STRIP1: variants seen among roughly 807,000 people sequenced by gnomAD.
STRIP1 encodes the protein striatin interacting protein 1.
In STRIP1, 63 loss-of-function variants were observed where a neutral mutation model predicts 106.2. The observed-to-expected ratio is 0.59, with a 90% CI of 0.48 to 0.73. The LOEUF is 0.73. STRIP1 is among the 30% of genes least tolerant of loss of function. The pLI is 0.00. For missense variants in STRIP1, 857 were observed against 1,074.8 expected, an observed-to-expected ratio of 0.80 and a Z score of 2.83; for synonymous variants, 390 against 413.0, an observed-to-expected ratio of 0.94 and a Z score of 0.67.
chr1:110,050,913 A>G (rs1379483676), intron 18 of STRIP1, 43 bp from the exon 19 acceptor site: 2 of 1,136,208 alleles, frequency 1.8e-6, no homozygotes, highest in Non-Finnish European at 2.7e-6. Context: ...TGCTGCACAC[A>G]CTGCAGCCAT....
Position 110,041,872 on chromosome 1 carries a change from C to A in STRIP1, c.885+11C>A, listed in dbSNP as rs1431592649. The A allele has an allele frequency of 1.9e-6, 3 of 1,613,700 alleles. No individual in the cohort carries two copies. The South Asian group carries it at 3.3e-5, about 18-fold the overall frequency. On this transcript the variant is annotated intron_variant, in intron 8 of 20. Transcript: ENST00000369795. ...TGGAAGACAGTATTGGTGAGCACCT[C>A]CTTGGAGGAGGAGAACGGTGCTATG...
intron 20 of STRIP1, among the ~76,000 whole-genome samples, chr1:110,053,201 T>C (rs1254676509): frequency 6.6e-6 from 1 of 152,230 alleles, no homozygotes; most frequent in East Asian, 1.9e-4. Context: ...CTGCTCTGTG[T>C]GTGCGTGTTG....
chr1:110,038,566 C>T, intron 2 of STRIP1, 117 bp from the exon 3 acceptor site: 2 of 744,082 alleles, frequency 2.7e-6, no homozygotes, highest in Non-Finnish European at 4.6e-6. Context: ...CCAGGAGTCA[C>T]TATGACTCAG....
At chr1:110,051,928 C>T (rs765981746) in intron 20 of STRIP1, 41 bp downstream of exon 20, 16 of 1,598,740 alleles carry the variant, frequency 1.0e-5, no homozygotes, top group East Asian at 2.2e-5. Flanking sequence ...GGGAGTGTGT[C>T]GGGAAAAGTG....
chr1:110,049,613 C>G (rs1401833964), intron 17 of STRIP1, 53 bp downstream of exon 17: 1 of 1,303,242 alleles, frequency 7.7e-7, no homozygotes, highest in East Asian at 2.3e-5. Context: ...CGGCAGAGTT[C>G]CCAGCTGGTA....
chr1:110,035,725 C>T (rs1213150489), intron 1 of STRIP1, among the ~76,000 whole-genome samples: 2 of 152,102 alleles, frequency 1.3e-5, no homozygotes, highest in Non-Finnish European at 2.9e-5. Flanking sequence ...ACTGATCAGC[C>T]AAGTTAATGA....
At position 110,053,972 on chromosome 1, in the gene STRIP1, T is replaced by C. The variant is rs1653422013; in HGVS notation, c.*60T>C. 1 of 1,593,498 alleles carries C rather than the reference T, an allele frequency of 6.3e-7. No individual in the cohort carries two copies. Among genetic ancestry groups the C allele is most frequent in the Non-Finnish European group, 8.6e-7 (1 of 1,169,042 alleles). ...GATGATCTGAAGGTACCTGTGGGACTGTCCTAGTTCATTGCTGCAGTGCTC... is the reference window on the plus strand; with the variant it reads ...GATGATCTGAAGGTACCTGTGGGACCGTCCTAGTTCATTGCTGCAGTGCTC... On this transcript the variant is annotated 3_prime_UTR_variant, in exon 21 of 21. Transcript: ENST00000369795.
Position 110,034,756 on chromosome 1 carries a change from C to T in STRIP1, c.119C>T (p.Ala40Val), listed in dbSNP as rs1652354711. ...QPPPGAPRAAAGLLPGGKARE... is the reference protein window; with the variant it reads ...QPPPGAPRAAVGLLPGGKARE... The stretch of plus-strand genomic sequence containing the variant: ...CCACCCGGGGCACCGCGGGCCGCCG[C>T]GGGCCTCCTGCCTGGGGGCAAAGCC... The change falls in exon 1 of 21, where the codon GCG becomes GTG. Residue 40 changes from alanine (A) to valine (V), a missense_variant. Physicochemically the swap from Ala to Val is moderately conservative, Grantham distance 64 (BLOSUM62 0). This residue lies in a region of STRIP1 where 107 missense variants were observed against 85.1 expected (regional missense o/e 1.26). Coordinates refer to ENST00000369795, the MANE Select transcript of STRIP1 (RefSeq NM_033088.4). 6.9e-7 allele frequency: 1 copy of T among 1,459,716 alleles called. No homozygotes were observed. Among genetic ancestry groups the T allele is most frequent in the Non-Finnish European group, 9.0e-7 (1 of 1,112,378 alleles). The allele number at this position is 1,459,716 out of a possible 1,614,324, so 90.4% of individuals were successfully genotyped here.
At chr1:110,045,175 T>C in intron 12 of STRIP1, 97 bp downstream of exon 12, 1 of 1,098,616 alleles carries the variant, frequency 9.1e-7, no homozygotes, top group South Asian at 1.3e-5. Context: ...GTTGTCTGCC[T>C]GCAAGAACCT....
At chr1:110,045,336 G>A in intron 12 of STRIP1, 2 of 442,282 alleles carry the variant, frequency 4.5e-6, no homozygotes, top group Non-Finnish European at 8.3e-6. Context: ...TGACCACCGG[G>A]CACCAAGGCA....
chr1:110,033,858 A>G (rs1360156306), upstream of STRIP1, among the ~76,000 whole-genome samples: 1 of 152,246 alleles, frequency 6.6e-6, no homozygotes, highest in Non-Finnish European at 1.5e-5. Flanking sequence ...GTTTAGCAAG[A>G]AACTTCTTAT....
chr1:110,034,450 A>C (rs1400982330), upstream of STRIP1, among the ~76,000 whole-genome samples: 1 of 152,224 alleles, frequency 6.6e-6, no homozygotes, highest in African/African-American at 2.4e-5. Context: ...GGAAGGTGGA[A>C]AACTAAAAAG....
At chr1:110,052,089 C>T (rs147346270) in intron 20 of STRIP1, among the ~76,000 whole-genome samples, 4 of 152,246 alleles carry the variant, frequency 2.6e-5, no homozygotes, top group Non-Finnish European at 5.9e-5. Context: ...TTGGCATCTG[C>T]GATCATCCCC....
chr1:110,045,152 G>A (rs1418009261), intron 12 of STRIP1, 74 bp downstream of exon 12: 1 of 1,402,572 alleles, frequency 7.1e-7, no homozygotes, highest in Non-Finnish European at 1.0e-6. Context: ...GTAGGGAGAA[G>A]CCTTTTAAGA....
intron 10 of STRIP1, among the ~76,000 whole-genome samples, chr1:110,044,424 G>T (rs1225705895): frequency 1.3e-5 from 2 of 152,238 alleles, no homozygotes; most frequent in South Asian, 4.1e-4. Flanking sequence ...ATGCAAAACA[G>T]ATCATCAGAA....
chr1:110,038,836 AC>A (rs1652620574), intron 3 of STRIP1, 79 bp downstream of exon 3: 1 of 1,316,148 alleles, frequency 7.6e-7, no homozygotes, highest in African/African-American at 1.5e-5. Context: ...CATCTGAATG[AC>A]CTGAGTCATC....
At position 110,034,810 on chromosome 1, in the gene STRIP1, A is replaced by G. The variant is rs1164749460; in HGVS notation, c.173A>G (p.Asp58Gly). The G allele has an allele frequency of 7.1e-7, 1 of 1,404,338 alleles. No individual in the cohort carries two copies. The highest frequency in any genetic ancestry group is 1.5e-5 in the African/African-American group (1 of 65,258). The allele number at this position is 1,404,338 out of a possible 1,614,324, so 87.0% of individuals were successfully genotyped here. ...GAGTTCAACCGCAACCAGCGCAAAG[A>G]CTCAGAGGTCAGGAGCTTCGGGGGG... ...AREFNRNQRK[D>G]SEGYSESPDL... The change falls in exon 1 of 21, where the codon GAC (aspartate) becomes GGC (glycine). Residue 58 changes from aspartate to glycine, a missense_variant. This residue lies in a region of STRIP1 where 750 missense variants were observed against 989.8 expected (regional missense o/e 0.76). Coordinates refer to ENST00000369795, the MANE Select transcript of STRIP1 (RefSeq NM_033088.4).
intron 13 of STRIP1, among the ~76,000 whole-genome samples, chr1:110,047,061 A>T (rs937779392): frequency 2.0e-5 from 3 of 152,000 alleles, no homozygotes; most frequent in African/African-American, 7.2e-5. Context: ...AAAAAAAGTT[A>T]GAGGTCCTCT....
At chr1:110,053,092 G>C (rs1190704022) in intron 20 of STRIP1, among the ~76,000 whole-genome samples, 1 of 152,176 alleles carries the variant, frequency 6.6e-6, no homozygotes, top group African/African-American at 2.4e-5. Context: ...CCAGGCACAG[G>C]GAGTGCTCAG....
Sources: allele counts gnomAD v4.1 joint callset (sites outside exome capture counted in the v4.1 genomes callset), GRCh38; gene constraint gnomAD v4.1.1; regional missense constraint gnomAD v4.1.1; transcripts MANE v1.5; gene names NCBI Gene and HGNC (gene_info 2026-07-23, HGNC 2026-07-21).